The following TSPAN5 variants were observed in gnomAD, a reference collection of about 807,000 sequenced individuals.
TSPAN5 encodes the protein tetraspanin 5, also known as tetraspanin-5.
TSPAN5 carries 10 observed loss-of-function variants against 37.1 expected under a neutral mutation model. That is an observed-to-expected ratio of 0.27 (90% CI 0.17 to 0.46). The LOEUF is 0.46. TSPAN5 is among the 20% of genes least tolerant of loss of function. The pLI, the probability that TSPAN5 is intolerant of heterozygous loss-of-function variation, is 1.00. For synonymous variants in TSPAN5, 110 were observed against 118.9 expected, an observed-to-expected ratio of 0.93 and a Z score of 0.48; for missense variants, 195 against 326.6, an observed-to-expected ratio of 0.60 and a Z score of 3.11.
At chr4:98,586,631 A>C (rs1385527619) in intron 1 of TSPAN5, among the ~76,000 whole-genome samples, 1 of 152,224 alleles carries the variant, frequency 6.6e-6, no homozygotes, top group African/African-American at 2.4e-5. Context: ...TTCCTTTGGC[A>C]ATGCAGTTTC....
At chr4:98,571,004 T>C (rs993445525) in intron 1 of TSPAN5, among the ~76,000 whole-genome samples, 1 of 149,936 alleles carries the variant, frequency 6.7e-6, no homozygotes, top group Non-Finnish European at 1.5e-5. Flanking sequence ...AGAGCAAGAC[T>C]CTATCTCAAA....
At chr4:98,622,426 T>C (rs1277114900) in intron 1 of TSPAN5, among the ~76,000 whole-genome samples, 1 of 152,230 alleles carries the variant, frequency 6.6e-6, no homozygotes, top group Non-Finnish European at 1.5e-5. Flanking sequence ...TTTGGAAATG[T>C]ATACCTAGGG....
chr4:98,550,395 T>C (rs1276555080), intron 1 of TSPAN5, among the ~76,000 whole-genome samples: 1 of 152,178 alleles, frequency 6.6e-6, no homozygotes, highest in East Asian at 1.9e-4. Context: ...AATTTTAGGA[T>C]TGGGTTTTTT....
At chr4:98,507,221 C>T (rs1001575000) in intron 2 of TSPAN5, among the ~76,000 whole-genome samples, 1 of 152,100 alleles carries the variant, frequency 6.6e-6, no homozygotes, top group Admixed American at 6.5e-5. Flanking sequence ...CCACTTCCTT[C>T]AATCCACATG....
intron 1 of TSPAN5, among the ~76,000 whole-genome samples, chr4:98,515,958 C>T (rs1182172007): frequency 6.6e-6 from 1 of 152,200 alleles, no homozygotes; most frequent in East Asian, 1.9e-4. Flanking sequence ...AGAAGTTTCT[C>T]TCCATCAGGG....
chr4:98,574,003 A>T (rs765712308), intron 1 of TSPAN5, among the ~76,000 whole-genome samples: 2 of 152,202 alleles, frequency 1.3e-5, no homozygotes, highest in Admixed American at 6.5e-5. Context: ...TCACGCATCA[A>T]CTGTATTTAC....
intron 1 of TSPAN5, among the ~76,000 whole-genome samples, chr4:98,588,346 G>A (rs1755545490): frequency 1.3e-5 from 2 of 151,338 alleles, no homozygotes; most frequent in African/African-American, 4.9e-5. Context: ...TCCACCGTAT[G>A]TTTCGCTAAG....
chr4:98,532,837 T>C (rs60947018), intron 1 of TSPAN5, among the ~76,000 whole-genome samples: 33,645 of 152,100 alleles, frequency 0.22, 3,885 homozygotes, highest in African/African-American at 0.26. Context: ...TTGTCATAAA[T>C]AGCTCTTATT....
chr4:98,553,821 C>T (rs751247441), intron 1 of TSPAN5, among the ~76,000 whole-genome samples: 10 of 152,102 alleles, frequency 6.6e-5, no homozygotes, highest in Non-Finnish European at 1.5e-5. Flanking sequence ...AATCCTAGCA[C>T]TTTAGGAGGC....
chr4:98,634,578 G>T (rs1756814424), intron 1 of TSPAN5, among the ~76,000 whole-genome samples: 1 of 152,178 alleles, frequency 6.6e-6, no homozygotes, highest in Non-Finnish European at 1.5e-5. Context: ...CCACACATAA[G>T]GAGGGAAAAA....
At chr4:98,649,835 T>C (rs1050387670) in intron 1 of TSPAN5, among the ~76,000 whole-genome samples, 20 of 152,178 alleles carry the variant, frequency 1.3e-4, no homozygotes, top group African/African-American at 4.8e-4. Flanking sequence ...ACAACGTGTT[T>C]CATTCTGGTT....
intron 4 of TSPAN5, among the ~76,000 whole-genome samples, chr4:98,479,634 G>C (rs1324503823): frequency 6.6e-6 from 1 of 152,084 alleles, no homozygotes; most frequent in Non-Finnish European, 1.5e-5. Context: ...ATCTTGCCAC[G>C]GCTCTTCTAG....
chr4:98,567,140 C>T (rs534324863), intron 1 of TSPAN5, among the ~76,000 whole-genome samples: 98 of 152,280 alleles, frequency 6.4e-4, no homozygotes, highest in Non-Finnish European at 1.2e-3. Context: ...GCACAAAATC[C>T]ATCAACAGAC....
At chr4:98,501,640 T>C (rs1253116484) in intron 2 of TSPAN5, among the ~76,000 whole-genome samples, 1 of 152,080 alleles carries the variant, frequency 6.6e-6, no homozygotes, top group Non-Finnish European at 1.5e-5. Flanking sequence ...CAGGGGCAAG[T>C]GCAAAGGCCC....
At position 98,507,749 on chromosome 4, in the gene TSPAN5, T is replaced by A. The variant is rs1418602789; in HGVS notation, c.82-21A>T. 23 of 1,589,842 alleles carry A rather than the reference T, an allele frequency of 1.4e-5. 1 individual carries two copies. The highest frequency in any genetic ancestry group is 2.0e-5 in the Non-Finnish European group (23 of 1,164,990). Reference sequence around the variant, plus strand: ...AAAAACTGAAAAAGAAAGAAAGCAGTGTAAATATAAGGGAAAATGCCGCTA... The same window carrying A: ...AAAAACTGAAAAAGAAAGAAAGCAGAGTAAATATAAGGGAAAATGCCGCTA... On this transcript the variant is annotated intron_variant, in intron 1 of 7. Coordinates refer to ENST00000305798, the MANE Select transcript of TSPAN5 (RefSeq NM_005723.4).
intron 4 of TSPAN5, among the ~76,000 whole-genome samples, 160 bp from the exon 5 acceptor site, chr4:98,478,970 A>G (rs949606964): frequency 4.6e-5 from 7 of 152,198 alleles, no homozygotes; most frequent in African/African-American, 1.7e-4. Flanking sequence ...CCCATATAAA[A>G]TCTTCCAAAT....
chr4:98,569,439 AC>A (rs1481572033), intron 1 of TSPAN5, among the ~76,000 whole-genome samples: 4 of 152,112 alleles, frequency 2.6e-5, no homozygotes, highest in Non-Finnish European at 5.9e-5. Flanking sequence ...CCTTGGGAAA[AC>A]CCACTCTGAC....
chr4:98,519,375 T>A (rs1245995810), intron 1 of TSPAN5, among the ~76,000 whole-genome samples: 1 of 152,048 alleles, frequency 6.6e-6, no homozygotes, highest in Non-Finnish European at 1.5e-5. Context: ...GGTATGTGTC[T>A]GTGGTCACAG....
intron 1 of TSPAN5, among the ~76,000 whole-genome samples, chr4:98,583,325 C>T (rs1362412201): frequency 6.6e-6 from 1 of 152,004 alleles, no homozygotes; most frequent in Admixed American, 6.6e-5. Flanking sequence ...AAACTTGTGT[C>T]ATGGAGGTCT....
Sources: gnomAD v4.1 joint callset for allele counts (sites outside exome capture counted in the v4.1 genomes callset) on GRCh38, gnomAD v4.1.1 for gene constraint, MANE v1.5 for transcripts, NCBI Gene and HGNC (gene_info 2026-07-23, HGNC 2026-07-21) for gene names.